Variants in VSTM1 observed in about 807,000 individuals in gnomAD.
VSTM1 encodes the protein V-set and transmembrane domain-containing protein 1.
VSTM1 carries 27 observed loss-of-function variants against 33.1 expected under a neutral mutation model. The observed-to-expected ratio is 0.82, with a 90% CI of 0.60 to 1.12. The LOEUF (loss-of-function observed/expected upper bound fraction) is 1.12. VSTM1 is among the 50% of genes most tolerant of loss of function. The probability of loss-of-function intolerance (pLI) is 0.00; values close to 1 mark genes in which losing one functional copy is unlikely to be tolerated. For synonymous variants in VSTM1, 115 were observed against 110.3 expected, an observed-to-expected ratio of 1.04 and a Z score of -0.27; for missense variants, 304 against 288.9, an observed-to-expected ratio of 1.05 and a Z score of -0.38.
intron 2 of VSTM1, 41 bp from the exon 3 acceptor site, chr19:54,058,631 C>T (rs372895436): frequency 1.2e-5 from 19 of 1,612,874 alleles, no homozygotes; most frequent in Middle Eastern, 3.3e-4. Context: ...AGAATTCAGA[C>T]GATTAAAGGA....
chr19:54,059,559 C>T (rs1429212592), intron 1 of VSTM1, among the ~76,000 whole-genome samples: 1 of 151,910 alleles, frequency 6.6e-6, no homozygotes, highest in Non-Finnish European at 1.5e-5. Flanking sequence ...CCTCCTCCAC[C>T]CCCTGGGTTC....
chr19:54,042,471 C>CTCTTAG, intron 4 of VSTM1, 102 bp from the exon 5 acceptor site: 1 of 1,473,524 alleles, frequency 6.8e-7, no homozygotes, highest in Non-Finnish European at 9.0e-7. Context: ...GGCCTGGCTT[C>CTCTTAG]CAAGCCTGGA....
chr19:54,041,730 C>G (rs1184413965), intron 8 of VSTM1, 49 bp downstream of exon 8: 2 of 1,595,980 alleles, frequency 1.3e-6, no homozygotes, highest in Admixed American at 1.7e-5. Flanking sequence ...CACGACCAGC[C>G]CATTGTGGTG....
intron 4 of VSTM1, among the ~76,000 whole-genome samples, chr19:54,049,357 T>C (rs1251173725): frequency 6.6e-6 from 1 of 152,068 alleles, no homozygotes; most frequent in Non-Finnish European, 1.5e-5. Flanking sequence ...AAGTGGGAAA[T>C]GAGGAGTGAC....
intron 4 of VSTM1, chr19:54,048,299 A>G: frequency 3.0e-6 from 1 of 338,150 alleles, no homozygotes; most frequent in South Asian, 2.1e-5. Context: ...TATTTTTTGT[A>G]GAGATGGGAT....
intron 4 of VSTM1, 77 bp from the exon 5 acceptor site, chr19:54,042,446 A>G (rs987423111): frequency 6.5e-7 from 1 of 1,535,406 alleles, no homozygotes; most frequent in Non-Finnish European, 8.8e-7. Context: ...AAAAGCTAAG[A>G]GAAGCCAGAC....
intron 3 of VSTM1, among the ~76,000 whole-genome samples, chr19:54,054,836 AATGGATAGATGAATGGATGG>A (rs2071009788): frequency 9.1e-6 from 1 of 109,820 alleles, no homozygotes; most frequent in Non-Finnish European, 2.1e-5. Flanking sequence ...TGGATGGATT[AATGGATAGATGAATGGATGG>A]ATGGATGGAT....
chr19:54,052,352 C>G (rs184964717), intron 3 of VSTM1, among the ~76,000 whole-genome samples: 1 of 139,434 alleles, frequency 7.2e-6, no homozygotes, highest in Non-Finnish European at 1.6e-5. Flanking sequence ...GAGCCGAGAT[C>G]GCGCCACTGC....
Position 54,042,506 on chromosome 19 carries a change from C to G in VSTM1, c.395-137G>C. On this transcript the variant is annotated intron_variant, in intron 4 of 8. Transcript: ENST00000338372. ...ATCTCCCACCTCGGAGCTGGAACTT[C>G]CTATTGCTTTGGGGAATTTCCTTAA... 7 of 1,309,570 alleles carry G rather than the reference C, an allele frequency of 5.3e-6. No individual in the cohort carries two copies. The South Asian group carries it at 1.1e-4, about 20-fold the overall frequency. The allele number at this position is 1,309,570 out of a possible 1,614,324, so 81.1% of individuals were successfully genotyped here. A position where few individuals can be genotyped will look rare whatever the true frequency, so the allele number is the denominator to read the frequency against.
intron 1 of VSTM1, among the ~76,000 whole-genome samples, chr19:54,059,469 G>GTGTTT (rs764227298): frequency 6.6e-6 from 1 of 151,926 alleles, no homozygotes; most frequent in Non-Finnish European, 1.5e-5. Context: ...TGTGATTGCA[G>GTGTTT]TGTTTTGTTT....
chr19:54,056,813 C>T (rs1433075380), intron 3 of VSTM1, among the ~76,000 whole-genome samples: 2 of 140,900 alleles, frequency 1.4e-5, no homozygotes, highest in Non-Finnish European at 3.1e-5. Flanking sequence ...GCTCCACATT[C>T]GGTTCCCATT....
At chr19:54,061,124 T>C (rs2071376804) in intron 1 of VSTM1, among the ~76,000 whole-genome samples, 1 of 150,810 alleles carries the variant, frequency 6.6e-6, no homozygotes, top group South Asian at 2.1e-4. Flanking sequence ...TTCAAGCGAT[T>C]TTCCTGCCTC....
chr19:54,042,333 A>G lies in VSTM1; in HGVS notation c.431T>C (p.Ile144Thr). The G allele has an allele frequency of 6.2e-7, 1 of 1,613,836 alleles. No individual in the cohort carries two copies. The change falls in exon 5 of 9, where the codon ATC becomes ACC. Residue 144 changes from isoleucine to threonine, a missense_variant. Ile to Thr is a moderately conservative substitution (Grantham distance 89). Coordinates refer to ENST00000338372, the MANE Select transcript of VSTM1 (RefSeq NM_198481.4). ...TGAGAGGAAGAGGAGAAGGATGGAG[A>G]TGCAGCTGAAGATGGCGACAAAGAT... is the stretch of plus-strand genomic sequence containing the variant. Reference protein sequence around the residue: ...RTIFVAIFSCISILLLFLSVF... With the variant: ...RTIFVAIFSCTSILLLFLSVF...
intron 4 of VSTM1, among the ~76,000 whole-genome samples, chr19:54,048,147 G>C (rs554114120): frequency 1.3e-5 from 2 of 152,016 alleles, no homozygotes; most frequent in Non-Finnish European, 2.9e-5. Flanking sequence ...ACAGGGTCTC[G>C]CTCTGTCACC....
intron 4 of VSTM1, among the ~76,000 whole-genome samples, chr19:54,042,818 A>ATATATGTG (rs1555752478): frequency 1.0e-4 from 6 of 57,914 alleles, no homozygotes; most frequent in South Asian, 4.3e-4. Context: ...ATATATATAT[A>ATATATGTG]TATATATATA....
chr19:54,042,814 A>ATATATATATATG (rs1568450784), intron 4 of VSTM1, among the ~76,000 whole-genome samples: 2 of 43,484 alleles, frequency 4.6e-5, no homozygotes, highest in African/African-American at 1.4e-4. Context: ...GTGTATATAT[A>ATATATATATATG]TATATATATA....
Position 54,041,767 on chromosome 19 carries a change from G to C in VSTM1, c.591+12C>G. The C allele has an allele frequency of 6.2e-7, 1 of 1,612,408 alleles. No individual in the cohort carries two copies. The highest frequency in any genetic ancestry group is 8.5e-7 in the Non-Finnish European group (1 of 1,179,556). The stretch of plus-strand genomic sequence containing the variant: ...GGGAGCTCTTGTGGGACTCCTAAGC[G>C]GGAGGACTCACCGAGAGAGATACCC... On this transcript the variant is annotated intron_variant, in intron 8 of 8. Transcript: ENST00000338372.
In VSTM1 at chr19:54,042,812, A is replaced by ATG. The variant is rs1568450704; in HGVS notation, c.395-444_395-443insCA. ...TGTGTGTATATATAAATGTGTATAT[A>ATG]TATATATATATATATATATATATAT... On this transcript the variant is annotated intron_variant, in intron 4 of 8. Coordinates refer to ENST00000338372, the MANE Select transcript of VSTM1 (RefSeq NM_198481.4). 5.1e-5 allele frequency among the ~76,000 whole-genome samples: 2 copies of ATG among 39,138 alleles called. 1 individual carries two copies. The highest frequency in any genetic ancestry group is 1.2e-4 in the Non-Finnish European group (2 of 16,908). The allele number at this position is 39,138 out of a possible 152,430, so 25.7% of individuals were successfully genotyped here.
rs552345054 is a variant in VSTM1 at position 54,041,326 on chromosome 19, G to A, written c.592-246C>T. On this transcript the variant is annotated intron_variant, in intron 8 of 8. Coordinates refer to ENST00000338372, the MANE Select transcript of VSTM1 (RefSeq NM_198481.4). ...TTATTTATTTATTTATTTTGGGACA[G>A]AGTCTGGCTCTGTCGCCCAGGCTGG... Among the ~76,000 whole-genome samples, 6 of 151,816 alleles carry A rather than the reference G, an allele frequency of 4.0e-5. No homozygotes were observed. The East Asian group carries it at 9.7e-4, about 25-fold the overall frequency.
Sources: gnomAD v4.1 joint callset for allele counts (sites outside exome capture counted in the v4.1 genomes callset) on GRCh38, gnomAD v4.1.1 for gene constraint, MANE v1.5 for transcripts, NCBI Gene and HGNC (gene_info 2026-07-23, HGNC 2026-07-21) for gene names.